Variants in ENPP3 observed in about 807,000 individuals in gnomAD.
ENPP3 encodes the protein ectonucleotide pyrophosphatase/phosphodiesterase 3, also known as ectonucleotide pyrophosphatase/phosphodiesterase family member 3.
In ENPP3, 104 loss-of-function variants were observed where a neutral mutation model predicts 117.8. That is an observed-to-expected ratio of 0.88 (90% CI 0.75 to 1.04). ENPP3 has a LOEUF of 1.04. Among genes scored for constraint, ENPP3 ranks in the 50% least tolerant of loss-of-function variants. The probability of loss-of-function intolerance (pLI) is 0.00; values close to 1 mark genes in which losing one functional copy is unlikely to be tolerated. For synonymous variants in ENPP3, 380 were observed against 349.9 expected (o/e 1.09, Z -0.96); for missense variants, 1,026 against 1,051.9 (o/e 0.98, Z 0.34).
At chr6:131,663,845 A>G (rs1465164001) in intron 6 of ENPP3, among the ~76,000 whole-genome samples, 1 of 152,174 alleles carries the variant, frequency 6.6e-6, no homozygotes, top group Non-Finnish European at 1.5e-5. Context: ...TGTACATTAC[A>G]TCATACTTGA....
Position 131,676,716 on chromosome 6 carries a change from T to C in ENPP3, c.873-20T>C. The C allele has an allele frequency of 6.6e-7, 1 of 1,513,688 alleles. No individual in the cohort carries two copies. Among genetic ancestry groups the C allele is most frequent in the Non-Finnish European group, 9.2e-7 (1 of 1,088,866 alleles). 93.8% of individuals were successfully genotyped at this position (1,513,688 alleles called of 1,614,324 possible). On this transcript the variant is annotated intron_variant, in intron 9 of 24. Transcript: ENST00000357639. ...TGATTTGATTCATTTTAAAGAATTA[T>C]TTCTACCCTATTTTTTCAGAAGTGT...
rs969514259 is a variant in ENPP3, at chr6:131,679,042, T to C, written c.1011+1102T>C. ...CCTTCCTTCCTTCTTTCTTTCTTTC[T>C]TTCTTTCTTTCTTTCTTTCTTTCTT... On this transcript the variant is annotated intron_variant, in intron 11 of 24. Coordinates refer to ENST00000357639, the MANE Select transcript of ENPP3 (RefSeq NM_005021.5). Among the ~76,000 whole-genome samples the C allele has an allele frequency of 1.7e-3, 207 of 119,430 alleles. 1 individual carries two copies. Among genetic ancestry groups the C allele is most frequent in the Non-Finnish European group, 2.2e-3 (135 of 60,614 alleles). 78.4% of individuals were successfully genotyped at this position (119,430 alleles called of 152,430 possible).
intron 14 of ENPP3, among the ~76,000 whole-genome samples, chr6:131,689,406 C>T (rs550433162): frequency 5.9e-5 from 9 of 151,940 alleles, no homozygotes; most frequent in African/African-American, 1.5e-4. Context: ...AGGGCCCTTA[C>T]GAATTATGCT....
chr6:131,732,896 A>G (rs1780316683), intron 20 of ENPP3, among the ~76,000 whole-genome samples: 2 of 145,082 alleles, frequency 1.4e-5, no homozygotes, highest in South Asian at 4.3e-4. Context: ...TACCTGGCTA[A>G]TTGATGTATT....
At chr6:131,709,676 C>G in intron 15 of ENPP3, 4 of 1,613,224 alleles carry the variant, frequency 2.5e-6, no homozygotes, top group Middle Eastern at 1.7e-4. Context: ...TAAAAATGAA[C>G]AGTTCTCTCC....
intron 19 of ENPP3, among the ~76,000 whole-genome samples, chr6:131,724,732 A>G (rs958332107): frequency 3.3e-5 from 5 of 152,188 alleles, no homozygotes. Flanking sequence ...TGATAATCTT[A>G]TAATCTGCCA....
chr6:131,674,119 A>G (rs775076889), intron 7 of ENPP3, 43 bp from the exon 8 acceptor site: 8 of 1,215,188 alleles, frequency 6.6e-6, no homozygotes, highest in Non-Finnish European at 8.3e-6. Context: ...TTTCTATTTT[A>G]CTAATATTTT....
chr6:131,728,951 T>A (rs550297927), intron 20 of ENPP3, among the ~76,000 whole-genome samples: 2 of 152,294 alleles, frequency 1.3e-5, no homozygotes, highest in African/African-American at 4.8e-5. Flanking sequence ...AGAGCAAGAA[T>A]TGTGATTACT....
At chr6:131,687,563 AAACAGCCTACAG>A in intron 14 of ENPP3, among the ~76,000 whole-genome samples, 1 of 152,308 alleles carries the variant, frequency 6.6e-6, no homozygotes, top group East Asian at 1.9e-4. Context: ...TCAACAGAGC[AAACAGCCTACAG>A]AATGGGAGGA....
At chr6:131,670,642 G>T (rs528684817) in intron 6 of ENPP3, among the ~76,000 whole-genome samples, 1 of 152,116 alleles carries the variant, frequency 6.6e-6, no homozygotes, top group African/African-American at 2.4e-5. Context: ...ACAGGTGCAT[G>T]CCACCATGCC....
chr6:131,673,796 A>G (rs1351548220), intron 7 of ENPP3, among the ~76,000 whole-genome samples: 1 of 152,208 alleles, frequency 6.6e-6, no homozygotes, highest in African/African-American at 2.4e-5. Flanking sequence ...TTTTGTCACT[A>G]TTCCCTAAAC....
intron 15 of ENPP3, among the ~76,000 whole-genome samples, chr6:131,697,965 A>G (rs1313015493): frequency 1.3e-5 from 2 of 152,126 alleles, no homozygotes; most frequent in Non-Finnish European, 2.9e-5. Context: ...CATCACCGGG[A>G]AGGTATTATG....
chr6:131,694,972 T>TTTTTTTTTTTTTTTTTTTTTTTG (rs1312755632), intron 15 of ENPP3, among the ~76,000 whole-genome samples: 1 of 151,354 alleles, frequency 6.6e-6, no homozygotes, highest in African/African-American at 2.4e-5. Context: ...GCCTATTCTG[T>TTTTTTTTTTTTTTTTTTTTTTTG]AAGATAACCT....
At chr6:131,683,975 T>A (rs1779091119) in intron 12 of ENPP3, among the ~76,000 whole-genome samples, 1 of 152,102 alleles carries the variant, frequency 6.6e-6, no homozygotes, top group Admixed American at 6.6e-5. Context: ...TTAGTCTCAA[T>A]CTCCTGACTT....
chr6:131,647,857 T>G (rs887045142), intron 2 of ENPP3, among the ~76,000 whole-genome samples: 6 of 152,148 alleles, frequency 3.9e-5, no homozygotes, highest in Non-Finnish European at 8.8e-5. Flanking sequence ...TTTCTTCCAC[T>G]GCCGTATAAT....
At chr6:131,675,835 C>A (rs1359996318) in intron 9 of ENPP3, among the ~76,000 whole-genome samples, 1 of 152,108 alleles carries the variant, frequency 6.6e-6, no homozygotes, top group Non-Finnish European at 1.5e-5. Context: ...GAGCGCGACT[C>A]CGTCTCAAAT....
intron 6 of ENPP3, among the ~76,000 whole-genome samples, chr6:131,664,568 T>C (rs1778576461): frequency 6.6e-6 from 1 of 152,206 alleles, no homozygotes; most frequent in South Asian, 2.1e-4. Context: ...TTTACAGTAG[T>C]GTCCTAGATT....
intron 14 of ENPP3, among the ~76,000 whole-genome samples, chr6:131,691,525 G>A (rs1338470094): frequency 1.3e-5 from 2 of 151,006 alleles, no homozygotes; most frequent in Non-Finnish European, 2.9e-5. Flanking sequence ...GGAAGCAGAG[G>A]TTGCAGTGAG....
At position 131,740,358 on chromosome 6, in the gene ENPP3, C is replaced by T; in HGVS notation, c.2435C>T (p.Pro812Leu). The T allele has an allele frequency of 6.2e-7, 1 of 1,610,462 alleles. No individual in the cohort carries two copies. The highest frequency in any genetic ancestry group is 1.1e-5 in the South Asian group (1 of 90,336). The change falls in exon 24 of 25, where the codon CCT (proline) becomes CTT (leucine). Residue 812 changes from proline to leucine, a missense_variant. Coordinates refer to ENST00000357639, the MANE Select transcript of ENPP3 (RefSeq NM_005021.5). ...DVLPFIIPHRPTNVESCPEGK... is the reference protein window; with the variant it reads ...DVLPFIIPHRLTNVESCPEGK... Reference sequence around the variant, plus strand: ...CTACCCTTTATCATCCCTCACCGACCTACCAACGTGGAGAGCTGTCCTGTG... The same window carrying T: ...CTACCCTTTATCATCCCTCACCGACTTACCAACGTGGAGAGCTGTCCTGTG...
Sources: allele counts gnomAD v4.1 joint callset (sites outside exome capture counted in the v4.1 genomes callset), GRCh38; gene constraint gnomAD v4.1.1; transcripts MANE v1.5; gene names NCBI Gene and HGNC (gene_info 2026-07-23, HGNC 2026-07-21).